PCDH19: variants seen among roughly 807,000 people sequenced by gnomAD.
PCDH19 encodes protocadherin 19.
PCDH19 carries 6 observed loss-of-function variants against 46.2 expected under a neutral mutation model. The observed-to-expected ratio is 0.13, with a 90% CI of 0.07 to 0.26. PCDH19 has a LOEUF of 0.26. Ranked by LOEUF, PCDH19 falls within the 10% of genes least tolerant of loss-of-function variation. PCDH19 has a pLI of 1.00. For missense variants in PCDH19, 740 were observed against 972.3 expected (o/e 0.76, Z 3.18); for synonymous variants, 481 against 415.7 (o/e 1.16, Z -1.91).
intron 5 of PCDH19, among the ~76,000 whole-genome samples, chrX:100,336,900 C>T (rs964699849): frequency 9.0e-6 from 1 of 111,580 alleles, no homozygotes; most frequent in Admixed American, 9.5e-5. Flanking sequence ...CCTATAAACC[C>T]CAATCTCATA....
chrX:100,351,602 T>C (rs1036238348), intron 3 of PCDH19, among the ~76,000 whole-genome samples: 10 of 112,006 alleles, frequency 8.9e-5, no homozygotes, highest in African/African-American at 2.3e-4. Flanking sequence ...TCTTGAACCA[T>C]TGTATGATCT....
rs928644658 is a variant in PCDH19, at chrX:100,295,097, G to C, written c.*1180C>G. The C allele has an allele frequency of 7.1e-5, 8 of 111,992 alleles. No individual in the cohort carries two copies. The highest frequency in any genetic ancestry group is 2.0e-4 in the African/African-American group (6 of 30,703). 9.2% of individuals were successfully genotyped at this position (111,992 alleles called of 1,213,427 possible). Reference sequence around the variant, plus strand: ...TTTGTACTGCTTACTCTATCCCTACGTATATAAGCCTAAGATACAGAGCAA... The same window carrying C: ...TTTGTACTGCTTACTCTATCCCTACCTATATAAGCCTAAGATACAGAGCAA... On this transcript the variant is annotated 3_prime_UTR_variant, in exon 6 of 6. Transcript: ENST00000373034.
Position 100,350,682 on chromosome X carries a change from G to T in PCDH19, c.2639C>A (p.Ser880Tyr). ...ATGGGCTCGGCTATTCACGTAGTTG[G>T]AGTCAAAAGAATAGTTTTCAGTCTG... The part of the protein sequence containing the change: ...LPETENYSFD[S>Y]NYVNSRAHLI... Residue 880 changes from serine (S) to tyrosine (Y), a missense_variant, in exon 4 of 6, where the codon TCC becomes TAC. This residue lies in a region of PCDH19 where 416 missense variants were observed against 476.8 expected (regional missense o/e 0.87). Coordinates refer to ENST00000373034, the MANE Select transcript of PCDH19 (RefSeq NM_001184880.2). 8.5e-7 allele frequency: 1 copy of T among 1,182,769 alleles called. No individual in the cohort carries two copies. Among genetic ancestry groups the T allele is most frequent in the Non-Finnish European group, 1.2e-6 (1 of 869,145 alleles).
At chrX:100,363,856 C>CATGTGTGT (rs57620335) in intron 3 of PCDH19, among the ~76,000 whole-genome samples, 6,199 of 88,844 alleles carry the variant, frequency 0.07, 211 homozygotes, top group African/African-American at 0.09. Context: ...AATGTGCGTG[C>CATGTGTGT]GTGTGTGTGT....
At chrX:100,298,222 C>T (rs1445394182) in intron 5 of PCDH19, among the ~76,000 whole-genome samples, 1 of 111,033 alleles carries the variant, frequency 9.0e-6, no homozygotes, top group African/African-American at 3.3e-5. Flanking sequence ...CCTCATTCAT[C>T]AAAGGTTCTT....
intron 3 of PCDH19, among the ~76,000 whole-genome samples, chrX:100,367,060 G>A (rs1326944959): frequency 8.9e-6 from 1 of 112,376 alleles, no homozygotes; most frequent in East Asian, 2.8e-4. Context: ...CGATGAGAAG[G>A]GTAGAAGAAA....
At chrX:100,312,302 T>C (rs1925156657) in intron 5 of PCDH19, among the ~76,000 whole-genome samples, 3 of 111,050 alleles carry the variant, frequency 2.7e-5, no homozygotes, top group Admixed American at 9.6e-5. Context: ...CAGGTAGAAA[T>C]CAACTTAAAG....
intron 3 of PCDH19, among the ~76,000 whole-genome samples, chrX:100,380,275 C>T (rs1416593419): frequency 9.0e-6 from 1 of 111,564 alleles, no homozygotes; most frequent in African/African-American, 3.3e-5. Flanking sequence ...TTCCTGTCCC[C>T]CACCTTTTTG....
intron 5 of PCDH19, among the ~76,000 whole-genome samples, chrX:100,338,014 T>C (rs772525054): frequency 9.0e-6 from 1 of 111,701 alleles, no homozygotes; most frequent in South Asian, 3.8e-4. Flanking sequence ...AACTTCCTAG[T>C]GACTAAATAC....
intron 4 of PCDH19, among the ~76,000 whole-genome samples, chrX:100,344,601 G>T: frequency 9.4e-6 from 1 of 105,909 alleles, no homozygotes; most frequent in Non-Finnish European, 1.9e-5. Context: ...ATCTGAAAAT[G>T]TCCTTAATCC....
chrX:100,371,023 GT>G (rs1409478676), intron 3 of PCDH19, among the ~76,000 whole-genome samples: 7 of 109,017 alleles, frequency 6.4e-5, no homozygotes, highest in African/African-American at 2.0e-4. Context: ...GTGTGTGTGT[GT>G]GGGTGTGTGT....
At chrX:100,397,703 T>C (rs1376710773) in intron 3 of PCDH19, among the ~76,000 whole-genome samples, 1 of 111,685 alleles carries the variant, frequency 9.0e-6, no homozygotes, top group African/African-American at 3.3e-5. Flanking sequence ...GTAGAAGCAA[T>C]GAGTTGCATT....
At chrX:100,398,700 C>A (rs867166101) in intron 3 of PCDH19, among the ~76,000 whole-genome samples, 2 of 112,223 alleles carry the variant, frequency 1.8e-5, no homozygotes, top group Middle Eastern at 9.2e-3. Flanking sequence ...CACAGCTGAG[C>A]ACATAGTGGA....
chrX:100,317,894 GT>G (rs1925359752), intron 5 of PCDH19, among the ~76,000 whole-genome samples: 1 of 112,192 alleles, frequency 8.9e-6, no homozygotes. Flanking sequence ...GGTGAAGAAA[GT>G]TTTTAATACT....
chrX:100,312,857 A>C (rs951902649), intron 5 of PCDH19, among the ~76,000 whole-genome samples: 3 of 111,316 alleles, frequency 2.7e-5, no homozygotes, highest in Non-Finnish European at 5.7e-5. Flanking sequence ...ACTTTTTCTG[A>C]GTTAACTCGA....
chrX:100,406,489 G>A lies in PCDH19; in HGVS notation c.2109C>T (p.Cys703=). ...FVTMIFVAIK[C]KRDNKEIRTY... is the part of the protein sequence containing the mutation. Reference sequence around the variant, plus strand: ...TCCGGATCTCTTTGTTGTCTCGCTTGCACTTGATTGCCACGAAGATCATAG... The same window carrying A: ...TCCGGATCTCTTTGTTGTCTCGCTTACACTTGATTGCCACGAAGATCATAG... The change falls in exon 1 of 6, where the codon TGC becomes TGT. Residue 703 remains cysteine (C), a synonymous_variant. Coordinates refer to ENST00000373034, the MANE Select transcript of PCDH19 (RefSeq NM_001184880.2). 8.3e-7 allele frequency: 1 copy of A among 1,207,352 alleles called. No individual in the cohort carries two copies. Among genetic ancestry groups the A allele is most frequent in the South Asian group, 1.8e-5 (1 of 56,127 alleles).
rs2147538585 is a variant in PCDH19, at chrX:100,407,091, A to C, written c.1507T>G (p.Phe503Val). The C allele has an allele frequency of 8.3e-7, 1 of 1,211,951 alleles. No individual in the cohort carries two copies. Among genetic ancestry groups the C allele is most frequent in the Non-Finnish European group, 1.1e-6 (1 of 895,526 alleles). Reference sequence around the variant, plus strand: ...TTGGGATTGATGGAGACATAGGTGAAGACAGGCATGTCCCGCACCTGCGAC... The same window carrying C: ...TTGGGATTGATGGAGACATAGGTGACGACAGGCATGTCCCGCACCTGCGAC... ...VPSQVRDMPV[F>V]TYVSINPNSG... The change falls in exon 1 of 6, where the codon TTC (phenylalanine) becomes GTC (valine). Residue 503 changes from phenylalanine (F) to valine (V), a missense_variant. This residue lies in a region of PCDH19 where 186 missense variants were observed against 319.9 expected (regional missense o/e 0.58). Transcript: ENST00000373034.
chrX:100,300,440 G>T (rs905172546), intron 5 of PCDH19, among the ~76,000 whole-genome samples: 1 of 111,464 alleles, frequency 9.0e-6, no homozygotes, highest in African/African-American at 3.3e-5. Flanking sequence ...AGAGAGATGG[G>T]CTCACGATTC....
Position 100,403,634 on chromosome X carries a change from G to C in PCDH19, c.2178C>G (p.Gly726=). 1.7e-6 allele frequency: 2 copies of C among 1,206,480 alleles called. No individual in the cohort carries two copies. The highest frequency in any genetic ancestry group is 2.2e-6 in the Non-Finnish European group (2 of 892,600). ...SNCLTITCLL[G]CFIKGQNSKC... ...TGCTGTTTTGTCCTTTTATAAAACA[G>C]CCGAGGAGACAAGTGATGGTTAAAC... The change falls in exon 2 of 6, where the codon GGC becomes GGG. Residue 726 remains glycine (G), a synonymous_variant. Transcript: ENST00000373034.
Sources: gnomAD v4.1 joint callset for allele counts (sites outside exome capture counted in the v4.1 genomes callset) on GRCh38, gnomAD v4.1.1 for gene constraint, gnomAD v4.1.1 regional missense constraint, MANE v1.5 for transcripts, NCBI Gene and HGNC (gene_info 2026-07-23, HGNC 2026-07-21) for gene names.